Variants in AGBL4 observed in about 807,000 individuals in gnomAD.
AGBL4 encodes the protein cytosolic carboxypeptidase 6.
AGBL4 carries 58 observed loss-of-function variants against 66.4 expected under a neutral mutation model. The observed-to-expected ratio is 0.87, with a 90% CI of 0.71 to 1.09. The LOEUF (loss-of-function observed/expected upper bound fraction) is 1.09, where lower values mean the gene tolerates loss of function less well. AGBL4 is among the 50% of genes least tolerant of loss of function. The probability of loss-of-function intolerance (pLI) is 0.00; values close to 1 mark genes in which losing one functional copy is unlikely to be tolerated. For missense variants in AGBL4, 579 were observed against 631.0 expected (o/e 0.92, Z 0.88); for synonymous variants, 234 against 222.9 (o/e 1.05, Z -0.44).
chr1:49,745,685 C>A (rs1284458036), intron 2 of AGBL4, among the ~76,000 whole-genome samples: 1 of 151,766 alleles, frequency 6.6e-6, no homozygotes, highest in African/African-American at 2.4e-5. Flanking sequence ...GTCAATCCAT[C>A]AGGAAAATAC....
chr1:49,525,650 G>A (rs1650599558), intron 3 of AGBL4, among the ~76,000 whole-genome samples: 1 of 151,980 alleles, frequency 6.6e-6, no homozygotes, highest in Non-Finnish European at 1.5e-5. Context: ...ATGTAAAAGG[G>A]GAAAAGAAGC....
chr1:49,271,848 G>A (rs1644067950), intron 3 of AGBL4, among the ~76,000 whole-genome samples: 1 of 152,124 alleles, frequency 6.6e-6, no homozygotes, highest in Non-Finnish European at 1.5e-5. Context: ...AGTTTCAAGA[G>A]TCATGGAAAG....
At chr1:49,208,156 A>G (rs1346760331) in intron 4 of AGBL4, among the ~76,000 whole-genome samples, 1 of 152,070 alleles carries the variant, frequency 6.6e-6, no homozygotes, top group Non-Finnish European at 1.5e-5. Flanking sequence ...CAGATGAGGA[A>G]ACTGAGAACT....
At chr1:49,540,535 A>G (rs1056589420) in intron 3 of AGBL4, among the ~76,000 whole-genome samples, 2 of 152,206 alleles carry the variant, frequency 1.3e-5, no homozygotes, top group Non-Finnish European at 2.9e-5. Flanking sequence ...AACCTAGCCT[A>G]TGGTCAAGCA....
intron 6 of AGBL4, among the ~76,000 whole-genome samples, chr1:48,820,309 C>A (rs1646282770): frequency 2.0e-5 from 3 of 152,130 alleles, no homozygotes. Context: ...AATATAGAGG[C>A]ATCATCACTC....
At chr1:49,647,960 T>C (rs1395452004) in intron 3 of AGBL4, among the ~76,000 whole-genome samples, 1 of 152,122 alleles carries the variant, frequency 6.6e-6, no homozygotes, top group Admixed American at 6.6e-5. Flanking sequence ...TAGGATTTCC[T>C]TCTGCCCAGT....
chr1:48,754,809 G>A lies in AGBL4; in HGVS notation c.635-91568C>T, dbSNP rs540197466. Among the ~76,000 whole-genome samples the A allele has an allele frequency of 3.9e-5, 6 of 152,224 alleles. No homozygotes were observed. The South Asian group carries it at 1.2e-3, about 32-fold the overall frequency. ...TTTGTGGGGAGTAAAGGGGATGGAG[G>A]AGACACCCCCATGTTGGGAAAAATG... On this transcript the variant is annotated intron_variant, in intron 6 of 13. Coordinates refer to ENST00000371839, the MANE Select transcript of AGBL4 (RefSeq NM_032785.4).
At chr1:49,402,450 C>A (rs10159133) in intron 3 of AGBL4, among the ~76,000 whole-genome samples, 3,759 of 152,164 alleles carry the variant, frequency 0.025, 136 homozygotes, top group African/African-American at 0.077. Context: ...CATTCAGGAG[C>A]ATATTGTTTA....
chr1:49,005,982 C>G (rs1661757201), intron 5 of AGBL4, among the ~76,000 whole-genome samples: 1 of 151,668 alleles, frequency 6.6e-6, no homozygotes, highest in South Asian at 2.1e-4. Context: ...GCCTAGGCGA[C>G]AGAGTGAGAC....
chr1:48,949,385 A>T (rs1015162230), intron 5 of AGBL4, among the ~76,000 whole-genome samples: 3 of 152,246 alleles, frequency 2.0e-5, no homozygotes, highest in Admixed American at 1.3e-4. Context: ...GCAGATGGGT[A>T]TGAATGGCAG....
chr1:49,550,526 T>C (rs1184523412), intron 3 of AGBL4, among the ~76,000 whole-genome samples: 3 of 152,214 alleles, frequency 2.0e-5, no homozygotes, highest in Non-Finnish European at 4.4e-5. Context: ...TATTTGTTTG[T>C]CTGAAAAAGA....
chr1:49,143,119 A>G (rs528327920), intron 4 of AGBL4, among the ~76,000 whole-genome samples: 1 of 152,170 alleles, frequency 6.6e-6, no homozygotes, highest in East Asian at 1.9e-4. Flanking sequence ...TCTGTGATAC[A>G]TGCCTACTCC....
intron 3 of AGBL4, among the ~76,000 whole-genome samples, chr1:49,458,049 C>A (rs371889615): frequency 1.3e-5 from 2 of 151,390 alleles, no homozygotes; most frequent in African/African-American, 4.8e-5. Flanking sequence ...GTTTTTGGCT[C>A]CATATGAATT....
At chr1:48,883,139 GA>G (rs1317031414) in intron 5 of AGBL4, among the ~76,000 whole-genome samples, 1 of 152,150 alleles carries the variant, frequency 6.6e-6, no homozygotes, top group Non-Finnish European at 1.5e-5. Context: ...CCCAGAAATG[GA>G]ATTGCTGGGT....
chr1:48,673,968 A>C (rs1007692945), intron 6 of AGBL4, among the ~76,000 whole-genome samples: 1 of 152,106 alleles, frequency 6.6e-6, no homozygotes, highest in African/African-American at 2.4e-5. Flanking sequence ...TTTCTGGCGG[A>C]TGGATCTCAC....
chr1:49,251,079 G>T (rs1385390179), intron 3 of AGBL4, among the ~76,000 whole-genome samples: 1 of 152,120 alleles, frequency 6.6e-6, no homozygotes, highest in African/African-American at 2.4e-5. Context: ...CCTATTGTCT[G>T]CTGGCCATTC....
At position 49,736,513 on chromosome 1, in the gene AGBL4, G is replaced by A. The variant is rs79431492; in HGVS notation, c.158-39076C>T. On this transcript the variant is annotated intron_variant, in intron 2 of 13. Coordinates refer to ENST00000371839, the MANE Select transcript of AGBL4 (RefSeq NM_032785.4). ...AAATGGATCAATTGAAAAACTAAAA[G>A]GGAAATTTCAAAACATGTTTAGACA... Among the ~76,000 whole-genome samples, 453 of 152,012 alleles carry A rather than the reference G, an allele frequency of 3.0e-3. 25 individuals are homozygous for A. In the East Asian group the frequency reaches 0.073, roughly 25 times the overall value.
chr1:49,273,115 G>T (rs999854558), intron 3 of AGBL4, among the ~76,000 whole-genome samples: 8 of 152,098 alleles, frequency 5.3e-5, no homozygotes, highest in African/African-American at 1.9e-4. Flanking sequence ...CAAGGCTGGG[G>T]ACACTCATGG....
At chr1:49,386,665 T>A (rs973792142) in intron 3 of AGBL4, among the ~76,000 whole-genome samples, 1 of 151,998 alleles carries the variant, frequency 6.6e-6, no homozygotes, top group African/African-American at 2.4e-5. Context: ...CAGAATATCA[T>A]CTCTTCAGGC....
Sources: allele counts gnomAD v4.1 joint callset (sites outside exome capture counted in the v4.1 genomes callset), GRCh38; gene constraint gnomAD v4.1.1; transcripts MANE v1.5; gene names NCBI Gene and HGNC (gene_info 2026-07-23, HGNC 2026-07-21).